The following KIAA1549L variants were observed in gnomAD, a reference collection of about 807,000 sequenced individuals.
KIAA1549L encodes the protein UPF0606 protein KIAA1549L.
KIAA1549L carries 88 observed loss-of-function variants against 160.7 expected under a neutral mutation model. The ratio of observed to expected loss-of-function variants is 0.55; its 90% CI spans 0.46 to 0.65. The LOEUF (loss-of-function observed/expected upper bound fraction) is 0.65, where lower values mean the gene tolerates loss of function less well. Ranked by LOEUF, KIAA1549L falls within the 30% of genes least tolerant of loss-of-function variation. The pLI is 0.00. For missense variants in KIAA1549L, 2,258 were observed against 2,437.5 expected, an observed-to-expected ratio of 0.93 and a Z score of 1.55; for synonymous variants, 950 against 976.7, an observed-to-expected ratio of 0.97 and a Z score of 0.51.
At chr11:33,462,458 G>A (rs1024777854) in intron 1 of KIAA1549L, among the ~76,000 whole-genome samples, 2 of 152,210 alleles carry the variant, frequency 1.3e-5, no homozygotes, top group African/African-American at 2.4e-5. Context: ...GCAGATAAAA[G>A]TTTAGGTTCC....
chr11:33,638,425 A>ATAAAT (rs1265617622), intron 16 of KIAA1549L, among the ~76,000 whole-genome samples: 783 of 18,616 alleles, frequency 0.042, 15 homozygotes, highest in African/African-American at 0.22. Context: ...AAATAAATAA[A>ATAAAT]AAAAAAAAAA....
At chr11:33,604,169 A>G (rs1443559184) in intron 13 of KIAA1549L, among the ~76,000 whole-genome samples, 1 of 152,164 alleles carries the variant, frequency 6.6e-6, no homozygotes, top group Non-Finnish European at 1.5e-5. Flanking sequence ...ATCTACATTT[A>G]TTATCTCATA....
intron 8 of KIAA1549L, among the ~76,000 whole-genome samples, chr11:33,562,452 G>A (rs1854895196): frequency 6.6e-6 from 1 of 152,140 alleles, no homozygotes; most frequent in Admixed American, 6.5e-5. Flanking sequence ...TTCAACAACA[G>A]ACATTTATCT....
intron 1 of KIAA1549L, among the ~76,000 whole-genome samples, chr11:33,500,564 G>A (rs911536880): frequency 2.0e-5 from 3 of 152,166 alleles, no homozygotes; most frequent in African/African-American, 7.2e-5. Context: ...ATAAAGTGAT[G>A]ATAGAAGGAA....
At chr11:33,564,456 G>GT (rs756138704) in intron 8 of KIAA1549L, among the ~76,000 whole-genome samples, 15 of 152,336 alleles carry the variant, frequency 9.8e-5, no homozygotes, top group Middle Eastern at 3.4e-3. Context: ...GCCTCAGAGG[G>GT]TGGGTCCCTT....
At chr11:33,624,873 G>C (rs971535084) in intron 16 of KIAA1549L, among the ~76,000 whole-genome samples, 6 of 150,028 alleles carry the variant, frequency 4.0e-5, no homozygotes, top group African/African-American at 4.9e-5. Flanking sequence ...TCCTCATCTA[G>C]CATTAGGTAT....
Position 33,552,282 on chromosome 11 carries a change from A to G in KIAA1549L, c.3855+41A>G, listed in dbSNP as rs768414769. The G allele has an allele frequency of 1.9e-6, 3 of 1,574,248 alleles. No individual in the cohort carries two copies. In the South Asian group the frequency reaches 3.5e-5, roughly 18 times the overall value. ...CTTCAGGCTGTGTAGTTGACAGACA[A>G]CCACAATGCAGAGTCTGGCAAGAAA... On this transcript the variant is annotated intron_variant, in intron 6 of 20. Coordinates refer to ENST00000658780, the MANE Select transcript of KIAA1549L (RefSeq NM_012194.3).
intron 12 of KIAA1549L, among the ~76,000 whole-genome samples, chr11:33,597,321 T>C (rs1850226745): frequency 6.6e-6 from 1 of 152,122 alleles, no homozygotes; most frequent in Admixed American, 6.5e-5. Flanking sequence ...TGTTCATGGC[T>C]TTTAGGGTAT....
chr11:33,528,803 A>G (rs1208047229), intron 1 of KIAA1549L, among the ~76,000 whole-genome samples: 1 of 152,154 alleles, frequency 6.6e-6, no homozygotes, highest in Admixed American at 6.5e-5. Flanking sequence ...AGAATGATAT[A>G]ATGGACTCTG....
intron 11 of KIAA1549L, among the ~76,000 whole-genome samples, chr11:33,587,045 A>G (rs1316498761): frequency 2.6e-5 from 4 of 152,164 alleles, no homozygotes; most frequent in African/African-American, 9.7e-5. Flanking sequence ...CTGTGCCTCA[A>G]TTTTTCCATC....
chr11:33,619,677 A>T (rs1850909019), intron 16 of KIAA1549L, among the ~76,000 whole-genome samples: 2 of 152,322 alleles, frequency 1.3e-5, no homozygotes, highest in Admixed American at 6.5e-5. Flanking sequence ...TGTTTGTGTT[A>T]GTAGTGTTAC....
chr11:33,445,660 T>C (rs1851595338), intron 1 of KIAA1549L, among the ~76,000 whole-genome samples: 1 of 152,252 alleles, frequency 6.6e-6, no homozygotes, highest in Non-Finnish European at 1.5e-5. Context: ...CTGGCTCTGT[T>C]ACTTGCGGTG....
In KIAA1549L at chr11:33,638,748, C is replaced by T. The variant is rs183136883; in HGVS notation, c.5410-6938C>T. Among the ~76,000 whole-genome samples the T allele has an allele frequency of 2.3e-3, 355 of 152,266 alleles. 1 individual carries two copies. The highest frequency in any genetic ancestry group is 8.2e-3 in the African/African-American group (341 of 41,562). ...CAAAGTTTTTGCACTGTTGCCTCTC[C>T]CACTAGCAGTATAACAGTTCTAATT... On this transcript the variant is annotated intron_variant, in intron 16 of 20. Coordinates refer to ENST00000658780, the MANE Select transcript of KIAA1549L (RefSeq NM_012194.3).
At chr11:33,512,408 T>C (rs1258768181) in intron 1 of KIAA1549L, among the ~76,000 whole-genome samples, 2 of 152,194 alleles carry the variant, frequency 1.3e-5, no homozygotes, top group Non-Finnish European at 2.9e-5. Flanking sequence ...TAAAAAATGG[T>C]TACCATGTTC....
At chr11:33,448,069 T>A (rs903569762) in intron 1 of KIAA1549L, among the ~76,000 whole-genome samples, 4 of 152,180 alleles carry the variant, frequency 2.6e-5, no homozygotes, top group Non-Finnish European at 5.9e-5. Context: ...TTATTTTTTT[T>A]AATTATTATT....
intron 1 of KIAA1549L, among the ~76,000 whole-genome samples, chr11:33,443,402 C>T (rs1250756276): frequency 1.3e-5 from 2 of 151,934 alleles, no homozygotes; most frequent in East Asian, 3.9e-4. Flanking sequence ...AAGTGACTTT[C>T]TCCAGAGAGG....
intron 16 of KIAA1549L, among the ~76,000 whole-genome samples, chr11:33,620,242 C>T (rs1261433063): frequency 6.6e-6 from 1 of 152,158 alleles, no homozygotes; most frequent in African/African-American, 2.4e-5. Context: ...GGAGATTGCT[C>T]ACCCTTACAG....
intron 6 of KIAA1549L, among the ~76,000 whole-genome samples, chr11:33,556,325 T>A (rs967215199): frequency 5.9e-5 from 9 of 152,120 alleles, no homozygotes; most frequent in African/African-American, 2.2e-4. Flanking sequence ...CAAAAAGAAT[T>A]AAAAGTAGGG....
rs1840686373 is a variant in KIAA1549L at position 33,668,532 on chromosome 11, G to T, written c.*378G>T. On this transcript the variant is annotated 3_prime_UTR_variant, in exon 21 of 21. Transcript: ENST00000658780. ...CGGGAGAATGTAGCTCTTATCTTCG[G>T]TGACCTCTGCATGTTAACTCTGTTT... The T allele has an allele frequency of 3.7e-6, 1 of 273,064 alleles. No homozygotes were observed. The highest frequency in any genetic ancestry group is 2.2e-5 in the African/African-American group (1 of 46,270). 16.9% of individuals were successfully genotyped at this position (273,064 alleles called of 1,614,324 possible). A position where few individuals can be genotyped will look rare whatever the true frequency, so the allele number is the denominator to read the frequency against.
Sources: gnomAD v4.1 joint callset for allele counts (sites outside exome capture counted in the v4.1 genomes callset) on GRCh38, gnomAD v4.1.1 for gene constraint, MANE v1.5 for transcripts, NCBI Gene and HGNC (gene_info 2026-07-23, HGNC 2026-07-21) for gene names.